Variants in CCDC85A observed in about 807,000 individuals in gnomAD.
The protein encoded by CCDC85A is coiled-coil domain containing 85A.
CCDC85A carries 38 observed loss-of-function variants against 50.2 expected under a neutral mutation model. That is an observed-to-expected ratio of 0.76 (90% CI 0.58 to 0.99). The LOEUF (loss-of-function observed/expected upper bound fraction) is 0.99. Among genes scored for constraint, CCDC85A ranks in the 50% least tolerant of loss-of-function variants. The pLI is 0.00. For missense variants in CCDC85A, 820 were observed against 742.0 expected, an observed-to-expected ratio of 1.11 and a Z score of -1.22; for synonymous variants, 366 against 301.4, an observed-to-expected ratio of 1.21 and a Z score of -2.22.
chr2:56,343,063 A>G (rs1674455072), intron 3 of CCDC85A, 108 bp downstream of exon 3: 6 of 720,832 alleles, frequency 8.3e-6, no homozygotes, highest in Non-Finnish European at 1.4e-5. Context: ...GATAGAAATC[A>G]TTTTGTAAAT....
chr2:56,216,417 T>G (rs1259043849), intron 2 of CCDC85A, among the ~76,000 whole-genome samples: 1 of 151,864 alleles, frequency 6.6e-6, no homozygotes, highest in African/African-American at 2.4e-5. Context: ...ACTTAAAATT[T>G]TTTGCCAGTA....
chr2:56,220,210 T>C (rs1668265090), intron 2 of CCDC85A, among the ~76,000 whole-genome samples: 1 of 151,326 alleles, frequency 6.6e-6, no homozygotes, highest in East Asian at 1.9e-4. Flanking sequence ...GCACAAATAC[T>C]CCCTTCCATA....
intron 2 of CCDC85A, among the ~76,000 whole-genome samples, chr2:56,250,865 C>G (rs1669722298): frequency 2.0e-5 from 3 of 152,198 alleles, no homozygotes; most frequent in Admixed American, 2.0e-4. Context: ...ACAGTTGTCT[C>G]TTACTGTAAA....
At chr2:56,356,400 C>G (rs1675226938) in intron 3 of CCDC85A, among the ~76,000 whole-genome samples, 1 of 152,230 alleles carries the variant, frequency 6.6e-6, no homozygotes, top group African/African-American at 2.4e-5. Context: ...ACCAGTGAAA[C>G]TCACATGCTT....
At chr2:56,364,426 T>C (rs1675688668) in intron 3 of CCDC85A, among the ~76,000 whole-genome samples, 1 of 152,236 alleles carries the variant, frequency 6.6e-6, no homozygotes, top group Non-Finnish European at 1.5e-5. Flanking sequence ...AATAACATTT[T>C]ATTGTTTGCA....
In CCDC85A at chr2:56,324,461, A is replaced by C. The variant is rs1382574684; in HGVS notation, c.1241-18418A>C. On this transcript the variant is annotated intron_variant, in intron 2 of 5. Transcript: ENST00000407595. The stretch of plus-strand genomic sequence containing the variant: ...TAATTAAAGAAATACAAGCAGAGAC[A>C]CTCCTCTGGCCAGTCTCCCTCCACC... Among the ~76,000 whole-genome samples the C allele has an allele frequency of 3.4e-5, 5 of 147,244 alleles. No individual in the cohort carries two copies. In the East Asian group the frequency reaches 1.0e-3, roughly 30 times the overall value.
At chr2:56,259,523 A>G (rs1670132807) in intron 2 of CCDC85A, among the ~76,000 whole-genome samples, 1 of 152,116 alleles carries the variant, frequency 6.6e-6, no homozygotes, top group African/African-American at 2.4e-5. Context: ...AGAATTAGTT[A>G]TGCTTCTGTA....
chr2:56,296,364 A>G (rs181554277), intron 2 of CCDC85A, among the ~76,000 whole-genome samples: 1 of 152,278 alleles, frequency 6.6e-6, no homozygotes, highest in Non-Finnish European at 1.5e-5. Flanking sequence ...CCTACTGAAA[A>G]GTTTCTGGAA....
intron 5 of CCDC85A, among the ~76,000 whole-genome samples, chr2:56,377,365 G>A (rs1676383119): frequency 1.3e-5 from 2 of 152,150 alleles, no homozygotes; most frequent in Non-Finnish European, 2.9e-5. Context: ...GTAGAAAATG[G>A]ACCAGAGATT....
intron 3 of CCDC85A, among the ~76,000 whole-genome samples, chr2:56,368,677 TGGG>T (rs1397280094): frequency 6.6e-6 from 1 of 152,124 alleles, no homozygotes; most frequent in African/African-American, 2.4e-5. Context: ...ATGAGAGGGC[TGGG>T]GTCTCAAATT....
At chr2:56,358,782 T>A (rs1675366417) in intron 3 of CCDC85A, among the ~76,000 whole-genome samples, 1 of 119,548 alleles carries the variant, frequency 8.4e-6, no homozygotes, top group South Asian at 3.3e-4. Flanking sequence ...TTTTTGTCTT[T>A]TTTTCTTTCT....
rs1676351675 is a variant in CCDC85A at position 56,192,769 on chromosome 2, A to G, written c.569A>G (p.Gln190Arg). 1 of 1,612,800 alleles carries G rather than the reference A, an allele frequency of 6.2e-7. No homozygotes were observed. Among genetic ancestry groups the G allele is most frequent in the Non-Finnish European group, 8.5e-7 (1 of 1,179,492 alleles). ...CAGSRCSIDS[Q>R]ASLCQLTAST... ...GGCAGCCGCTGCTCCATCGACAGCC[A>G]GGCCAGCCTGTGCCAACTCACAGCC... Residue 190 changes from glutamine (Q) to arginine (R), a missense_variant, in exon 2 of 6, where the codon CAG (glutamine) becomes CGG (arginine). Gln to Arg is a conservative substitution (Grantham distance 43). Coordinates refer to ENST00000407595, the MANE Select transcript of CCDC85A (RefSeq NM_001080433.2). The surrounding 1 kb of genome is among the most constrained non-coding windows in gnomAD (Gnocchi z 4.7).
chr2:56,282,684 A>G (rs976937655), intron 2 of CCDC85A, among the ~76,000 whole-genome samples: 2 of 152,054 alleles, frequency 1.3e-5, no homozygotes, highest in African/African-American at 4.8e-5. Flanking sequence ...TAATTTTTGT[A>G]TTTTTAGTAG....
In CCDC85A at chr2:56,304,318, C is replaced by T. The variant is rs78101344; in HGVS notation, c.1241-38561C>T. ...TTTCAAACAAATAATGTTTCTGAAA[C>T]GCTCTCATACTGAAAAATGGCACTG... On this transcript the variant is annotated intron_variant, in intron 2 of 5. Coordinates refer to ENST00000407595, the MANE Select transcript of CCDC85A (RefSeq NM_001080433.2). Among the ~76,000 whole-genome samples, 584 of 152,194 alleles carry T rather than the reference C, an allele frequency of 3.8e-3. 2 individuals are homozygous for T. Among genetic ancestry groups the T allele is most frequent in the African/African-American group, 0.013 (540 of 41,508 alleles).
intron 2 of CCDC85A, among the ~76,000 whole-genome samples, chr2:56,241,953 A>G (rs1335160258): frequency 1.3e-5 from 2 of 152,186 alleles, no homozygotes; most frequent in Non-Finnish European, 2.9e-5. Flanking sequence ...CCAATAGTAT[A>G]CAAGTGTTCC....
In CCDC85A at chr2:56,205,835, GA is replaced by G. The variant is rs1444039767; in HGVS notation, c.1240+12396del. ...TCATGGTCTGACATGTCCATGGAAG[GA>G]GGTAAGTAACAATAAAGATGTATGG... On this transcript the variant is annotated intron_variant, in intron 2 of 5. Transcript: ENST00000407595. Among the ~76,000 whole-genome samples, 20 of 152,280 alleles carry G rather than the reference GA, an allele frequency of 1.3e-4. No homozygotes were observed. The East Asian group carries it at 3.9e-3, about 29-fold the overall frequency.
At chr2:56,248,275 C>G (rs1669597764) in intron 2 of CCDC85A, among the ~76,000 whole-genome samples, 1 of 152,158 alleles carries the variant, frequency 6.6e-6, no homozygotes, top group Non-Finnish European at 1.5e-5. Flanking sequence ...TTGGCTGGCT[C>G]TGGAACGGTC....
At chr2:56,381,582 C>T (rs184898151) in intron 5 of CCDC85A, among the ~76,000 whole-genome samples, 13 of 152,118 alleles carry the variant, frequency 8.5e-5, no homozygotes, top group Admixed American at 1.3e-4. Flanking sequence ...GTTACTTGCT[C>T]GAACTATTTT....
At chr2:56,279,186 T>G (rs1296521568) in intron 2 of CCDC85A, among the ~76,000 whole-genome samples, 1 of 152,220 alleles carries the variant, frequency 6.6e-6, no homozygotes, top group Non-Finnish European at 1.5e-5. Context: ...GTGTGGCTAG[T>G]ATTATCTTCT....
Sources: allele counts gnomAD v4.1 joint callset (sites outside exome capture counted in the v4.1 genomes callset), GRCh38; gene constraint gnomAD v4.1.1; non-coding constraint Gnocchi (gnomAD v3.1); transcripts MANE v1.5; gene names NCBI Gene and HGNC (gene_info 2026-07-23, HGNC 2026-07-21).